The following NEK3 variants were observed in gnomAD, a reference collection of about 807,000 sequenced individuals.
NEK3 encodes the protein NIMA related kinase 3.
Under a neutral mutation model 66.0 loss-of-function variants are expected in NEK3, and 54 were observed. That is an observed-to-expected ratio of 0.82 (90% CI 0.66 to 1.03). The LOEUF (loss-of-function observed/expected upper bound fraction) is 1.03. NEK3 is among the 50% of genes least tolerant of loss of function. The pLI is 0.00. For missense variants in NEK3, 593 were observed against 603.0 expected (o/e 0.98, Z 0.17); for synonymous variants, 200 against 206.2 (o/e 0.97, Z 0.26).
intron 15 of NEK3, 84 bp from the exon 16 acceptor site, chr13:52,133,310 A>G (rs1388004077): frequency 2.7e-6 from 3 of 1,106,958 alleles, no homozygotes; most frequent in Non-Finnish European, 4.0e-6. Flanking sequence ...TACCACCATA[A>G]CAATACTTAA....
intron 10 of NEK3, 132 bp downstream of exon 10, chr13:52,143,783 A>G: frequency 1.7e-6 from 1 of 604,412 alleles, no homozygotes; most frequent in Non-Finnish European, 2.9e-6. Flanking sequence ...CTAAAGTAAC[A>G]AAAAGAAAAG....
intron 12 of NEK3, among the ~76,000 whole-genome samples, 192 bp from the exon 13 acceptor site, chr13:52,136,451 A>G (rs1030476175): frequency 6.6e-6 from 1 of 152,186 alleles, no homozygotes; most frequent in African/African-American, 2.4e-5. Context: ...ATGAAAAATT[A>G]AAACGAACCA....
chr13:52,137,428 T>G (rs1305700279), intron 11 of NEK3, among the ~76,000 whole-genome samples: 1 of 152,246 alleles, frequency 6.6e-6, no homozygotes, highest in Non-Finnish European at 1.5e-5. Flanking sequence ...GCATATACTT[T>G]GAGAAGAAGT....
At chr13:52,152,758 C>A in intron 4 of NEK3, 66 bp from the exon 5 acceptor site, 1 of 1,024,898 alleles carries the variant, frequency 9.8e-7, no homozygotes, top group South Asian at 1.3e-5. Context: ...CCTACAATTC[C>A]AAAGAATCAT....
In NEK3 at chr13:52,148,398, T is replaced by C; in HGVS notation, c.603+17A>G. On this transcript the variant is annotated intron_variant, in intron 8 of 15. Transcript: ENST00000610828. ...GATATGACAAGCTGCCTTTTCCATT[T>C]TGCACGCCATACTTACTGGATGCTT... is the stretch of plus-strand genomic sequence containing the variant. 6.2e-7 allele frequency: 1 copy of C among 1,612,282 alleles called. No homozygotes were observed. Among genetic ancestry groups the C allele is most frequent in the Non-Finnish European group, 8.5e-7 (1 of 1,178,786 alleles).
rs770243395 is a variant in NEK3, at chr13:52,133,697, C to T, written c.1428G>A (p.Glu476=). The T allele has an allele frequency of 2.9e-5, 45 of 1,553,932 alleles. No homozygotes were observed. The highest frequency in any genetic ancestry group is 9.6e-6 in the Non-Finnish European group (11 of 1,147,942). ...DPERLEPGLD[E]EDTDFEEEDD... is the part of the protein sequence containing the mutation. ...TGCATATCACAACGTACGTGTCCTC[C>T]TCATCTAGCCCAGGCTCAAGTCGCT... Residue 476 remains glutamate, a synonymous_variant, in exon 15 of 16, where the codon GAG becomes GAA. Transcript: ENST00000610828.
In NEK3 at chr13:52,133,720, G is replaced by T; in HGVS notation, c.1405C>A (p.Arg469=). 1 of 1,560,642 alleles carries T rather than the reference G, an allele frequency of 6.4e-7. No homozygotes were observed. The highest frequency in any genetic ancestry group is 8.7e-7 in the Non-Finnish European group (1 of 1,151,446). Residue 469 remains arginine (R), a synonymous_variant, in exon 15 of 16, where the codon CGA becomes AGA. Transcript: ENST00000610828. ...TCCTCATCTAGCCCAGGCTCAAGTC[G>T]CTCTGGATCCAAAATGACAGAATCG... ...GHDSVILDPE[R]LEPGLDEEDT... is the part of the protein sequence containing the mutation.
intron 11 of NEK3, among the ~76,000 whole-genome samples, chr13:52,137,671 TGGA>T (rs778250928): frequency 5.3e-5 from 8 of 152,206 alleles, no homozygotes; most frequent in Non-Finnish European, 1.0e-4. Context: ...ATCAGAATCT[TGGA>T]GGAGTAGTGG....
intron 5 of NEK3, among the ~76,000 whole-genome samples, chr13:52,152,098 G>A (rs1267471234): frequency 1.3e-5 from 2 of 152,124 alleles, no homozygotes; most frequent in Admixed American, 6.5e-5. Flanking sequence ...ATGCATGACT[G>A]TACTACTACA....
intron 14 of NEK3, among the ~76,000 whole-genome samples, chr13:52,135,518 GGGA>G (rs1177976987): frequency 6.6e-6 from 1 of 152,184 alleles, no homozygotes; most frequent in African/African-American, 2.4e-5. Flanking sequence ...AAGCGTTTCT[GGGA>G]GGAGGGAAAC....
chr13:52,148,165 A>T, intron 8 of NEK3: 2 of 359,320 alleles, frequency 5.6e-6, no homozygotes, highest in Non-Finnish European at 9.9e-6. Flanking sequence ...TAGCAAAAAG[A>T]AAGAAAAGAG....
chr13:52,153,641 C>T (rs972940857), intron 4 of NEK3, among the ~76,000 whole-genome samples: 3 of 151,934 alleles, frequency 2.0e-5, no homozygotes, highest in Admixed American at 1.3e-4. Context: ...TTTGGTGATA[C>T]GATCTTGAAA....
chr13:52,136,944 T>C (rs1365608913), intron 11 of NEK3, 42 bp from the exon 12 acceptor site: 7 of 1,344,566 alleles, frequency 5.2e-6, no homozygotes, highest in South Asian at 1.5e-5. Context: ...AATGCTTGAA[T>C]TGCCACAAAA....
chr13:52,148,679 C>A (rs113123951), intron 7 of NEK3, among the ~76,000 whole-genome samples: 2 of 152,134 alleles, frequency 1.3e-5, no homozygotes, highest in Non-Finnish European at 2.9e-5. Flanking sequence ...CAAATTGGGG[C>A]AGTTGAGATA....
At position 52,133,230 on chromosome 13, in the gene NEK3, T is replaced by C. The variant is rs1242661709; in HGVS notation, c.1437-4A>G. 6.2e-7 allele frequency: 1 copy of C among 1,600,816 alleles called. No individual in the cohort carries two copies. Among genetic ancestry groups the C allele is most frequent in the Admixed American group, 1.7e-5 (1 of 58,000 alleles). On this transcript the variant is annotated splice_region_variant and splice_polypyrimidine_tract_variant and intron_variant, in intron 15 of 15. Transcript: ENST00000610828. Reference sequence around the variant, plus strand: ...GTCATCTTCCTCCTCAAAGTCCCTGTGAAAAAACAATTTGGACCATAAACC... The same window carrying C: ...GTCATCTTCCTCCTCAAAGTCCCTGCGAAAAAACAATTTGGACCATAAACC...
intron 2 of NEK3, among the ~76,000 whole-genome samples, chr13:52,155,447 C>T (rs112824820): frequency 0.039 from 5,983 of 152,208 alleles, 133 homozygotes; most frequent in South Asian, 0.065. Flanking sequence ...ACCTGAGTTG[C>T]TCTGGCAAAG....
chr13:52,158,031 C>T (rs1362018773), intron 1 of NEK3, among the ~76,000 whole-genome samples: 4 of 152,170 alleles, frequency 2.6e-5, no homozygotes, highest in Non-Finnish European at 2.9e-5. Flanking sequence ...GCATGCGCCA[C>T]CACGCCCGGC....
At chr13:52,140,909 G>A (rs997197572) in intron 11 of NEK3, 111 bp downstream of exon 11, 4 of 781,092 alleles carry the variant, frequency 5.1e-6, no homozygotes, top group Non-Finnish European at 7.9e-6. Flanking sequence ...TCCGCCTCCA[G>A]GTTCACTTGA....
chr13:52,138,182 A>G lies in NEK3; in HGVS notation c.928-1280T>C, dbSNP rs548133600. On this transcript the variant is annotated intron_variant, in intron 11 of 15. Transcript: ENST00000610828. Reference sequence around the variant, plus strand: ...ACTACAGGCATGTGCCACCATGCCCACCTAAAATTTTTAATTTTTTGTAGA... The same window carrying G: ...ACTACAGGCATGTGCCACCATGCCCGCCTAAAATTTTTAATTTTTTGTAGA... Among the ~76,000 whole-genome samples the G allele has an allele frequency of 3.3e-5, 5 of 152,178 alleles. No homozygotes were observed. In the East Asian group the frequency reaches 9.7e-4, roughly 29 times the overall value.
Sources: gnomAD v4.1 joint callset for allele counts (sites outside exome capture counted in the v4.1 genomes callset) on GRCh38, gnomAD v4.1.1 for gene constraint, MANE v1.5 for transcripts, NCBI Gene and HGNC (gene_info 2026-07-23, HGNC 2026-07-21) for gene names.